Variants in THSD4 observed in about 807,000 individuals in gnomAD.
THSD4 encodes thrombospondin type 1 domain containing 4, also known as thrombospondin type-1 domain-containing protein 4.
A neutral mutation model predicts 119.0 loss-of-function variants in THSD4; 69 were observed. The ratio of observed to expected loss-of-function variants is 0.58; its 90% confidence interval spans 0.48 to 0.71. THSD4 has a LOEUF of 0.71. Among genes scored for constraint, THSD4 ranks in the 30% least tolerant of loss-of-function variants. The pLI is 0.00. For missense variants in THSD4, 1,393 were observed against 1,391.1 expected, an observed-to-expected ratio of 1.00 and a Z score of -0.02; for synonymous variants, 524 against 540.4, an observed-to-expected ratio of 0.97 and a Z score of 0.42.
intron 3 of THSD4, 98 bp from the exon 4 acceptor site, chr15:71,214,937 C>A: frequency 8.3e-7 from 1 of 1,205,728 alleles, no homozygotes; most frequent in Non-Finnish European, 1.0e-6. Context: ...ACAGACTGTG[C>A]CTACTTGTGC....
intron 1 of THSD4, among the ~76,000 whole-genome samples, chr15:71,123,906 A>G (rs1221624383): frequency 6.6e-6 from 1 of 152,362 alleles, no homozygotes; most frequent in South Asian, 2.1e-4. Flanking sequence ...CTCAAAACAC[A>G]TAGCTTTGCT....
intron 8 of THSD4, among the ~76,000 whole-genome samples, chr15:71,714,274 G>C (rs901345683): frequency 8.6e-5 from 13 of 151,922 alleles, no homozygotes; most frequent in Admixed American, 6.6e-4. Context: ...TTGTGTGTTG[G>C]GGGGGGAGGG....
chr15:71,756,551 G>A (rs187228471), intron 14 of THSD4, among the ~76,000 whole-genome samples: 1 of 152,336 alleles, frequency 6.6e-6, no homozygotes, highest in Non-Finnish European at 1.5e-5. Context: ...GGGAGGCCGA[G>A]GCAGGCGGAT....
At chr15:71,560,278 C>T (rs2049092070) in intron 7 of THSD4, among the ~76,000 whole-genome samples, 1 of 152,126 alleles carries the variant, frequency 6.6e-6, no homozygotes, top group Admixed American at 6.5e-5. Context: ...TTTCATATTC[C>T]TACATTGCAC....
rs537476586 is a variant in THSD4 at position 71,640,278 on chromosome 15, A to C, written c.1153-20252A>C. On this transcript the variant is annotated intron_variant, in intron 7 of 17. Coordinates refer to ENST00000261862, the MANE Select transcript of THSD4 (RefSeq NM_024817.3). ...TTTTTTTTTGTAGAAATAGGGTTTC[A>C]CCATGTTGCCCAGGGAGGTCCCAAA... Among the ~76,000 whole-genome samples, 5 of 150,978 alleles carry C rather than the reference A, an allele frequency of 3.3e-5. No homozygotes were observed. The South Asian group carries it at 1.1e-3, about 32-fold the overall frequency.
At chr15:71,631,139 C>T (rs1333889730) in intron 7 of THSD4, among the ~76,000 whole-genome samples, 1 of 152,160 alleles carries the variant, frequency 6.6e-6, no homozygotes, top group South Asian at 2.1e-4. Context: ...TCTGGGTGCC[C>T]CAGAGTCATG....
chr15:71,562,602 G>A (rs962016358), intron 7 of THSD4, among the ~76,000 whole-genome samples: 3 of 151,970 alleles, frequency 2.0e-5, no homozygotes, highest in African/African-American at 4.8e-5. Flanking sequence ...AACTGCCAGG[G>A]CCTAAATGTA....
chr15:71,719,675 A>G (rs1330553809), intron 8 of THSD4, among the ~76,000 whole-genome samples: 1 of 152,172 alleles, frequency 6.6e-6, no homozygotes, highest in African/African-American at 2.4e-5. Context: ...AAATACAATT[A>G]TCAAAACATG....
chr15:71,726,264 G>T (rs2052835405), intron 8 of THSD4, among the ~76,000 whole-genome samples: 1 of 152,364 alleles, frequency 6.6e-6, no homozygotes, highest in African/African-American at 2.4e-5. Context: ...TGTGGAGTCT[G>T]CAGGGGGAGC....
chr15:71,685,857 G>T (rs1159695904), intron 8 of THSD4, among the ~76,000 whole-genome samples: 1 of 152,140 alleles, frequency 6.6e-6, no homozygotes, highest in Non-Finnish European at 1.5e-5. Flanking sequence ...GCATCTTAGA[G>T]TTGTTATGGA....
At chr15:71,513,511 A>T (rs1354405994) in intron 7 of THSD4, among the ~76,000 whole-genome samples, 23 of 152,256 alleles carry the variant, frequency 1.5e-4, no homozygotes, top group Admixed American at 1.5e-3. Context: ...GGTGGTCAAC[A>T]TCATAAATCA....
intron 8 of THSD4, among the ~76,000 whole-genome samples, chr15:71,699,516 AGACATTTC>A (rs2052241892): frequency 2.0e-5 from 3 of 152,198 alleles, no homozygotes; most frequent in Non-Finnish European, 4.4e-5. Flanking sequence ...TCTCTGCATT[AGACATTTC>A]ACATTTTACT....
intron 7 of THSD4, among the ~76,000 whole-genome samples, chr15:71,654,469 C>G (rs1250510366): frequency 6.6e-6 from 1 of 152,054 alleles, no homozygotes; most frequent in Admixed American, 6.6e-5. Context: ...TGTGATGAGC[C>G]CTTCATACAG....
chr15:71,531,666 C>T (rs2048611917), intron 7 of THSD4, among the ~76,000 whole-genome samples: 1 of 152,242 alleles, frequency 6.6e-6, no homozygotes. Flanking sequence ...AGAATACACT[C>T]GTGGTCTCTT....
At chr15:71,372,425 C>G (rs575435082) in intron 6 of THSD4, among the ~76,000 whole-genome samples, 2 of 152,300 alleles carry the variant, frequency 1.3e-5, no homozygotes, top group South Asian at 4.1e-4. Flanking sequence ...TACTTTTGGT[C>G]TTTGATGATG....
At chr15:71,317,668 A>C (rs2045208063) in intron 6 of THSD4, among the ~76,000 whole-genome samples, 1 of 152,168 alleles carries the variant, frequency 6.6e-6, no homozygotes, top group African/African-American at 2.4e-5. Flanking sequence ...CCCTTTGGGA[A>C]GTTCGTTTTT....
At chr15:71,711,449 A>T (rs781416471) in intron 8 of THSD4, among the ~76,000 whole-genome samples, 1 of 152,140 alleles carries the variant, frequency 6.6e-6, no homozygotes, top group Non-Finnish European at 1.5e-5. Flanking sequence ...GTTCAAAGAG[A>T]TATGACCAAC....
At chr15:71,764,128 C>A (rs1210196672) in intron 15 of THSD4, among the ~76,000 whole-genome samples, 1 of 151,778 alleles carries the variant, frequency 6.6e-6, no homozygotes, top group African/African-American at 2.4e-5. Flanking sequence ...CACCTGTGGT[C>A]CCAGCTACTC....
chr15:71,404,856 C>CTTTCT (rs1285174151), intron 6 of THSD4, among the ~76,000 whole-genome samples: 1 of 150,840 alleles, frequency 6.6e-6, no homozygotes, highest in African/African-American at 2.4e-5. Flanking sequence ...TCTTTCTTTT[C>CTTTCT]TTTCTTTTCT....
Sources: gnomAD v4.1 joint callset for allele counts (sites outside exome capture counted in the v4.1 genomes callset) on GRCh38, gnomAD v4.1.1 for gene constraint, MANE v1.5 for transcripts, NCBI Gene and HGNC (gene_info 2026-07-23, HGNC 2026-07-21) for gene names.